The following SMIM3 variants were observed in gnomAD, a reference collection of about 807,000 sequenced individuals.
SMIM3 encodes small integral membrane protein 3, also known as NGF-induced differentiation clone 67 protein.
A neutral mutation model predicts 2.1 loss-of-function variants in SMIM3; 4 were observed. That is an observed-to-expected ratio of 1.89 (90% confidence interval 0.93 to 4.31). The LOEUF is 4.31. Ranked by LOEUF, SMIM3 falls within the 30% of genes most tolerant of loss-of-function variation. SMIM3 has a pLI of 0.01. For missense variants in SMIM3, 79 were observed against 77.7 expected (o/e 1.02, Z -0.06); for synonymous variants, 29 against 30.8 (o/e 0.94, Z 0.19).
chr5:150,786,330 C>A (rs892643617), intron 1 of SMIM3, among the ~76,000 whole-genome samples: 1 of 152,150 alleles, frequency 6.6e-6, no homozygotes, highest in African/African-American at 2.4e-5. Flanking sequence ...CTCTGTCACC[C>A]AGACTGGAGT....
At chr5:150,784,509 T>C (rs1753270318) in intron 1 of SMIM3, among the ~76,000 whole-genome samples, 1 of 152,212 alleles carries the variant, frequency 6.6e-6, no homozygotes, top group South Asian at 2.1e-4. Context: ...ATTTGTCTAT[T>C]TCTCCTTATA....
chr5:150,790,581 C>T (rs1242290565), intron 1 of SMIM3, among the ~76,000 whole-genome samples: 2 of 152,170 alleles, frequency 1.3e-5, no homozygotes, highest in Non-Finnish European at 2.9e-5. Flanking sequence ...TTGTCAGAGG[C>T]TTCTCCTTCA....
At chr5:150,792,874 G>A (rs2113207232) in intron 1 of SMIM3, among the ~76,000 whole-genome samples, 1 of 152,314 alleles carries the variant, frequency 6.6e-6, no homozygotes, top group Non-Finnish European at 1.5e-5. Flanking sequence ...GCATGGTATG[G>A]CAAGTACTGG....
intron 1 of SMIM3, among the ~76,000 whole-genome samples, chr5:150,794,881 T>A (rs1191706741): frequency 6.6e-6 from 1 of 152,180 alleles, no homozygotes; most frequent in Non-Finnish European, 1.5e-5. Context: ...AACATATCCA[T>A]CCCTGTACTC....
intron 1 of SMIM3, among the ~76,000 whole-genome samples, chr5:150,784,169 GCCGGGTTCA>G (rs1317810413): frequency 6.6e-6 from 1 of 152,068 alleles, no homozygotes; most frequent in Non-Finnish European, 1.5e-5. Flanking sequence ...TAGGAACGAT[GCCGGGTTCA>G]CTAGCTCAGC....
intron 1 of SMIM3, 32 bp from the exon 2 acceptor site, chr5:150,795,398 C>T: frequency 6.2e-7 from 1 of 1,610,540 alleles, no homozygotes. Context: ...AGAGAGTACG[C>T]AACAGTGATC....
chr5:150,780,313 G>T, intron 1 of SMIM3, among the ~76,000 whole-genome samples: 1 of 152,138 alleles, frequency 6.6e-6, no homozygotes, highest in Non-Finnish European at 1.5e-5. Context: ...GTTTATGCAG[G>T]CCGCACAGCA....
chr5:150,783,604 A>G (rs1291572382), intron 1 of SMIM3, among the ~76,000 whole-genome samples: 1 of 152,238 alleles, frequency 6.6e-6, no homozygotes, highest in East Asian at 1.9e-4. Context: ...ACCTGCCTCT[A>G]TCTGCCTTGT....
intron 1 of SMIM3, among the ~76,000 whole-genome samples, chr5:150,792,922 T>A (rs1753362875): frequency 6.6e-6 from 1 of 152,184 alleles, no homozygotes. Context: ...AGGATGGCAT[T>A]GTCCAATATT....
intron 1 of SMIM3, among the ~76,000 whole-genome samples, chr5:150,788,166 A>G (rs567182116): frequency 6.6e-6 from 1 of 152,268 alleles, no homozygotes; most frequent in Admixed American, 6.5e-5. Context: ...ATAACTAGAA[A>G]ACTTGCCAAA....
At chr5:150,779,883 T>C in intron 1 of SMIM3, among the ~76,000 whole-genome samples, 1 of 134,802 alleles carries the variant, frequency 7.4e-6, no homozygotes, top group East Asian at 2.5e-4. Context: ...GTTATTCTGA[T>C]TGAGGGCCAG....
intron 1 of SMIM3, among the ~76,000 whole-genome samples, chr5:150,792,007 A>AT (rs1754483294): frequency 6.6e-6 from 1 of 152,148 alleles, no homozygotes; most frequent in Non-Finnish European, 1.5e-5. Flanking sequence ...ACCCTTCTTT[A>AT]TTTTACTATT....
At chr5:150,779,863 C>T (rs1753214144) in intron 1 of SMIM3, among the ~76,000 whole-genome samples, 1 of 129,626 alleles carries the variant, frequency 7.7e-6, no homozygotes, top group Admixed American at 9.1e-5. Flanking sequence ...TGAAACAAAC[C>T]TCAGGGGCTG....
intron 1 of SMIM3, among the ~76,000 whole-genome samples, chr5:150,782,528 A>G (rs1293171299): frequency 6.6e-6 from 1 of 152,166 alleles, no homozygotes; most frequent in Non-Finnish European, 1.5e-5. Flanking sequence ...TATCGGCCCA[A>G]GCAAATCAAC....
At chr5:150,794,577 A>G (rs1353267638) in intron 1 of SMIM3, among the ~76,000 whole-genome samples, 1 of 152,228 alleles carries the variant, frequency 6.6e-6, no homozygotes, top group Non-Finnish European at 1.5e-5. Flanking sequence ...ATGGAACACC[A>G]AACATCGTAT....
rs1753391861 is a variant in SMIM3 at position 150,795,414 on chromosome 5, T to C, written c.-11-16T>C. On this transcript the variant is annotated splice_polypyrimidine_tract_variant and intron_variant, in intron 1 of 1. Coordinates refer to ENST00000526627, the MANE Select transcript of SMIM3 (RefSeq NM_032947.5). ...GAGAGTACGCAACAGTGATCTTCCTTTCTTGTCTGTTGCAGAGTGAAGCAA... is the reference window on the plus strand; with the variant it reads ...GAGAGTACGCAACAGTGATCTTCCTCTCTTGTCTGTTGCAGAGTGAAGCAA... The C allele has an allele frequency of 6.2e-7, 1 of 1,613,468 alleles. No homozygotes were observed. The highest frequency in any genetic ancestry group is 1.1e-5 in the South Asian group (1 of 91,070).
At chr5:150,783,329 G>A (rs1300791122) in intron 1 of SMIM3, among the ~76,000 whole-genome samples, 3 of 152,230 alleles carry the variant, frequency 2.0e-5, no homozygotes, top group Admixed American at 1.3e-4. Flanking sequence ...ATCTTCTGAG[G>A]GTGGAGACTT....
At chr5:150,786,940 A>G (rs1753299645) in intron 1 of SMIM3, among the ~76,000 whole-genome samples, 1 of 152,220 alleles carries the variant, frequency 6.6e-6, no homozygotes, top group South Asian at 2.1e-4. Context: ...AGATTCCTTA[A>G]TTTAATTTCA....
chr5:150,782,180 T>C (rs1441730774), intron 1 of SMIM3, among the ~76,000 whole-genome samples: 1 of 152,200 alleles, frequency 6.6e-6, no homozygotes, highest in Non-Finnish European at 1.5e-5. Context: ...CATTTCACAT[T>C]TTTGGTAGTT....
Sources: allele counts gnomAD v4.1 joint callset (sites outside exome capture counted in the v4.1 genomes callset), GRCh38; gene constraint gnomAD v4.1.1; transcripts MANE v1.5; gene names NCBI Gene and HGNC (gene_info 2026-07-23, HGNC 2026-07-21).